The following EXOSC10 variants were observed in gnomAD, a reference collection of about 807,000 sequenced individuals.
EXOSC10 encodes the protein exosome complex component 10.
EXOSC10 carries 94 observed loss-of-function variants against 126.6 expected under a neutral mutation model. The ratio of observed to expected loss-of-function variants is 0.74; its 90% CI spans 0.63 to 0.88. EXOSC10 has a LOEUF of 0.88. Ranked by LOEUF, EXOSC10 falls within the 40% of genes least tolerant of loss-of-function variation. The probability of loss-of-function intolerance (pLI) is 0.00; values close to 1 mark genes in which losing one functional copy is unlikely to be tolerated. For synonymous variants in EXOSC10, 395 were observed against 400.8 expected, an observed-to-expected ratio of 0.99 and a Z score of 0.17; for missense variants, 1,041 against 1,100.5, an observed-to-expected ratio of 0.95 and a Z score of 0.77.
Position 11,091,600 on chromosome 1 carries a change from A to G in EXOSC10, c.373-3T>C. The stretch of plus-strand genomic sequence containing the variant: ...GAGGCTTCATCCAGTAAAATACCCT[A>G]AGAGTAGAAGAGGTACTGGTTAAGC... On this transcript the variant is annotated splice_region_variant and splice_polypyrimidine_tract_variant and intron_variant, in intron 3 of 24. Transcript: ENST00000376936. 1.2e-6 allele frequency: 2 copies of G among 1,607,052 alleles called. No individual in the cohort carries two copies. The highest frequency in any genetic ancestry group is 1.7e-6 in the Non-Finnish European group (2 of 1,173,882).
At chr1:11,070,521 CAAAAA>C (rs70977541) in intron 21 of EXOSC10, 65,823 of 112,630 alleles carry the variant, frequency 0.58, 19,555 homozygotes, top group Non-Finnish European at 0.7. Flanking sequence ...GACACTACTT[CAAAAA>C]AAAAAAAAAA....
rs1429340361 is a variant in EXOSC10 at position 11,068,590 on chromosome 1, G to A, written c.2550+55C>T. ...TGGGCCTGTCTTCTCAGCAGAGGAGGAGGTCAGAAACAGGCGCCACCAGCG... is the reference window on the plus strand; with the variant it reads ...TGGGCCTGTCTTCTCAGCAGAGGAGAAGGTCAGAAACAGGCGCCACCAGCG... On this transcript the variant is annotated intron_variant, in intron 23 of 24. Transcript: ENST00000376936. The A allele has an allele frequency of 3.8e-6, 5 of 1,324,894 alleles. No individual in the cohort carries two copies. The African/African-American group carries it at 7.2e-5, about 19-fold the overall frequency. The allele number at this position is 1,324,894 out of a possible 1,614,324, so 82.1% of individuals were successfully genotyped here. A position where few individuals can be genotyped will look rare whatever the true frequency, so the allele number is the denominator to read the frequency against.
Position 11,088,188 on chromosome 1 carries a change from G to T in EXOSC10, c.769C>A (p.Pro257Thr), listed in dbSNP as rs751896341. 13 of 1,610,584 alleles carry T rather than the reference G, an allele frequency of 8.1e-6. No individual in the cohort carries two copies. The highest frequency in any genetic ancestry group is 1.1e-5 in the Non-Finnish European group (13 of 1,178,654). The stretch of plus-strand genomic sequence containing the variant: ...AAGTGATTTAGTTCATATTGATAAG[G>T]ATGTGCAAACCTGAGTAAATAAAAC... ...QQVEQDMFAHPYQYELNHFTP... is the reference protein window; with the variant it reads ...QQVEQDMFAHTYQYELNHFTP... Residue 257 changes from proline (P) to threonine (T), a missense_variant, in exon 7 of 25, where the codon CCT becomes ACT. Physicochemically the swap from Pro to Thr is conservative, Grantham distance 38 (BLOSUM62 -1). This residue lies in a region of EXOSC10 where 645 missense variants were observed against 656.3 expected (regional missense o/e 0.98). Coordinates refer to ENST00000376936, the MANE Select transcript of EXOSC10 (RefSeq NM_001001998.3).
In EXOSC10 at chr1:11,095,798, T is replaced by C. The variant is rs1457553486; in HGVS notation, c.332A>G (p.Asp111Gly). The C allele has an allele frequency of 1.2e-6, 2 of 1,613,986 alleles. No homozygotes were observed. Among genetic ancestry groups the C allele is most frequent in the Non-Finnish European group, 1.7e-6 (2 of 1,179,952 alleles). The change falls in exon 3 of 25, where the codon GAT becomes GGT. Residue 111 changes from aspartate to glycine, a missense_variant. Asp to Gly is a moderately conservative substitution (Grantham distance 94). Coordinates refer to ENST00000376936, the MANE Select transcript of EXOSC10 (RefSeq NM_001001998.3). Reference protein sequence around the residue: ...SKVTELEDKFDLLVDANDVIL... With the variant: ...SKVTELEDKFGLLVDANDVIL... ...TACATCATTGGCATCAACTAGTAAA[T>C]CAAACTTGTCTTCCAGCTCAGTCAC...
chr1:11,075,134 G>C (rs1303371565), intron 17 of EXOSC10, among the ~76,000 whole-genome samples: 2 of 152,108 alleles, frequency 1.3e-5, no homozygotes, highest in Non-Finnish European at 2.9e-5. Context: ...CTGGATTCAA[G>C]TGATTCTCCT....
At chr1:11,094,155 T>C (rs1047553588) in intron 3 of EXOSC10, among the ~76,000 whole-genome samples, 2 of 152,146 alleles carry the variant, frequency 1.3e-5, no homozygotes, top group African/African-American at 2.4e-5. Flanking sequence ...TTATTAATTT[T>C]AAATAAAGAC....
chr1:11,097,037 C>T (rs1641139394), intron 2 of EXOSC10, among the ~76,000 whole-genome samples: 1 of 152,058 alleles, frequency 6.6e-6, no homozygotes, highest in African/African-American at 2.4e-5. Flanking sequence ...CATGGTGAAA[C>T]CTCCTCTACT....
At chr1:11,091,230 GA>G (rs747219459) in intron 4 of EXOSC10, 51 bp from the exon 5 acceptor site, 1 of 1,533,100 alleles carries the variant, frequency 6.5e-7, no homozygotes. Context: ...TGATGAATTA[GA>G]AAAGTAAATT....
chr1:11,072,431 A>G (rs929488600), intron 19 of EXOSC10: 1 of 381,034 alleles, frequency 2.6e-6, no homozygotes, highest in African/African-American at 2.0e-5. Context: ...ACCCTGGGAA[A>G]AAGGTACTGT....
Position 11,072,047 on chromosome 1 carries a change from T to C in EXOSC10, c.2242+40A>G, listed in dbSNP as rs2100952560. ...GAAACAGCGGGTGTGCAACAGCCAT[T>C]CTTTAACAGCCGACTGAGTTGCAAG... is the stretch of plus-strand genomic sequence containing the variant. On this transcript the variant is annotated intron_variant, in intron 20 of 24. Transcript: ENST00000376936. 4 of 1,544,470 alleles carry C rather than the reference T, an allele frequency of 2.6e-6. No homozygotes were observed. In the South Asian group the frequency reaches 4.5e-5, roughly 18 times the overall value.
Position 11,077,607 on chromosome 1 carries a change from A to G in EXOSC10, c.1794T>C (p.Ser598=). The G allele has an allele frequency of 6.2e-7, 1 of 1,613,882 alleles. No homozygotes were observed. ...AACAGATCCGACACTCTACCTCAGCACTGGGCAGCGGTCCGCTCTTCTTCA... is the reference window on the plus strand; with the variant it reads ...AACAGATCCGACACTCTACCTCAGCGCTGGGCAGCGGTCCGCTCTTCTTCA... ...AGVKKSGPLP[S]AERLENVLFG... is the part of the protein sequence containing the mutation. The change falls in exon 15 of 25, where the codon AGT becomes AGC. Residue 598 remains serine (S), a synonymous_variant. Coordinates refer to ENST00000376936, the MANE Select transcript of EXOSC10 (RefSeq NM_001001998.3).
At position 11,067,387 on chromosome 1, in the gene EXOSC10, G is replaced by A. The variant is rs545532836; in HGVS notation, c.2627+621C>T. 6.6e-5 allele frequency among the ~76,000 whole-genome samples: 10 copies of A among 151,156 alleles called. No homozygotes were observed. In the East Asian group the frequency reaches 9.8e-4, roughly 15 times the overall value. On this transcript the variant is annotated intron_variant, in intron 24 of 24. Coordinates refer to ENST00000376936, the MANE Select transcript of EXOSC10 (RefSeq NM_001001998.3). ...GCGCAGCTTGCAGTGAGCAGAGATCGTGCCACTGCACTCCAGCCTGGGCGA... is the reference window on the plus strand; with the variant it reads ...GCGCAGCTTGCAGTGAGCAGAGATCATGCCACTGCACTCCAGCCTGGGCGA...
At chr1:11,083,232 A>C (rs1266620947) in intron 9 of EXOSC10, among the ~76,000 whole-genome samples, 1 of 152,140 alleles carries the variant, frequency 6.6e-6, no homozygotes, top group African/African-American at 2.4e-5. Context: ...TACAGGCCTG[A>C]GCCACCTCAC....
At chr1:11,088,395 A>G (rs1173986289) in intron 6 of EXOSC10, among the ~76,000 whole-genome samples, 197 bp from the exon 7 acceptor site, 1 of 152,346 alleles carries the variant, frequency 6.6e-6, no homozygotes, top group East Asian at 1.9e-4. Context: ...TTAAAATATG[A>G]TAATTAAGTC....
chr1:11,083,303 G>A (rs1336434786), intron 9 of EXOSC10, among the ~76,000 whole-genome samples: 2 of 152,032 alleles, frequency 1.3e-5, no homozygotes, highest in Non-Finnish European at 2.9e-5. Context: ...GGTGGATCAC[G>A]CCTGTAATCC....
chr1:11,095,700 C>T lies in EXOSC10; in HGVS notation c.372+58G>A, dbSNP rs536739904. 230 of 1,519,586 alleles carry T rather than the reference C, an allele frequency of 1.5e-4. No individual in the cohort carries two copies. In the African/African-American group the frequency reaches 2.6e-3, roughly 17 times the overall value. The allele number at this position is 1,519,586 out of a possible 1,614,324, so 94.1% of individuals were successfully genotyped here. A position where few individuals can be genotyped will look rare whatever the true frequency, so the allele number is the denominator to read the frequency against. ...CTGCACTCCAGCCTGGGCGACAGAG[C>T]GAGACTCCGTCTCAAAAACAAAACA... is the stretch of plus-strand genomic sequence containing the variant. On this transcript the variant is annotated intron_variant, in intron 3 of 24. Transcript: ENST00000376936.
At chr1:11,088,963 G>A (rs993316011) in intron 6 of EXOSC10, among the ~76,000 whole-genome samples, 8 of 152,126 alleles carry the variant, frequency 5.3e-5, no homozygotes, top group Admixed American at 2.6e-4. Context: ...GCACATGCTT[G>A]TAATCCCAGA....
chr1:11,095,974 T>G, intron 2 of EXOSC10, 93 bp from the exon 3 acceptor site: 1 of 1,362,576 alleles, frequency 7.3e-7, no homozygotes, highest in Non-Finnish European at 1.0e-6. Flanking sequence ...TGGCTCAGAC[T>G]GTTCCCAACA....
At chr1:11,069,523 C>G (rs113210235) in intron 22 of EXOSC10, 36 bp downstream of exon 22, 1 of 1,601,496 alleles carries the variant, frequency 6.2e-7, no homozygotes, top group African/African-American at 1.4e-5. Flanking sequence ...CTGACGCGCA[C>G]AGATGTCCCT....
Sources: gnomAD v4.1 joint callset for allele counts (sites outside exome capture counted in the v4.1 genomes callset) on GRCh38, gnomAD v4.1.1 for gene constraint, gnomAD v4.1.1 regional missense constraint, MANE v1.5 for transcripts, NCBI Gene and HGNC (gene_info 2026-07-23, HGNC 2026-07-21) for gene names.